Variants in EPHB2 observed in about 807,000 individuals in gnomAD.
The protein encoded by EPHB2 is EPH receptor B2, also known as ephrin type-B receptor 2.
Under a neutral mutation model 96.4 loss-of-function variants are expected in EPHB2, and 18 were observed. The observed-to-expected ratio is 0.19, with a 90% CI of 0.13 to 0.28. The LOEUF is 0.28. EPHB2 is among the 10% of genes least tolerant of loss of function. The probability of loss-of-function intolerance (pLI) is 1.00; values close to 1 mark genes in which losing one functional copy is unlikely to be tolerated. For synonymous variants in EPHB2, 506 were observed against 534.1 expected, an observed-to-expected ratio of 0.95 and a Z score of 0.72; for missense variants, 989 against 1,355.4, an observed-to-expected ratio of 0.73 and a Z score of 4.25.
In EPHB2 at chr1:22,824,576, C is replaced by T. The variant is rs143581037; in HGVS notation, c.812-38461C>T. ...CAGGGCCAGAAGGAGGGAGGGAAGA[C>T]GGGTGGAGGCTGGGCCTGCCATTGG... is the stretch of plus-strand genomic sequence containing the variant. On this transcript the variant is annotated intron_variant, in intron 3 of 15. Transcript: ENST00000374630. Among the ~76,000 whole-genome samples the T allele has an allele frequency of 9.0e-3, 1,367 of 152,266 alleles. 23 individuals carry two copies. Among genetic ancestry groups the T allele is most frequent in the African/African-American group, 0.03 (1,247 of 41,548 alleles).
At chr1:22,889,821 T>C (rs1639336599) in intron 6 of EPHB2, among the ~76,000 whole-genome samples, 1 of 152,208 alleles carries the variant, frequency 6.6e-6, no homozygotes, top group Non-Finnish European at 1.5e-5. Flanking sequence ...AGAAGACACA[T>C]GATTACATTT....
intron 3 of EPHB2, among the ~76,000 whole-genome samples, chr1:22,843,694 C>A (rs1271277569): frequency 6.6e-6 from 1 of 152,204 alleles, no homozygotes; most frequent in Non-Finnish European, 1.5e-5. Flanking sequence ...CCACCTGCCG[C>A]TATGCCTGGC....
At chr1:22,909,487 G>A (rs1055356199) in intron 13 of EPHB2, among the ~76,000 whole-genome samples, 1 of 152,254 alleles carries the variant, frequency 6.6e-6, no homozygotes, top group African/African-American at 2.4e-5. Context: ...CTAACTGGGG[G>A]ACAAGACGAT....
chr1:22,785,638 C>G (rs916091688), intron 3 of EPHB2, among the ~76,000 whole-genome samples: 25 of 152,192 alleles, frequency 1.6e-4, no homozygotes, highest in African/African-American at 6.0e-4. Flanking sequence ...GCAGGGCAGA[C>G]AGATGGAAGG....
chr1:22,873,956 G>A (rs895284044), intron 5 of EPHB2, among the ~76,000 whole-genome samples: 1 of 152,206 alleles, frequency 6.6e-6, no homozygotes, highest in African/African-American at 2.4e-5. Flanking sequence ...GAAAAAGAGA[G>A]AATGGATAGT....
intron 5 of EPHB2, among the ~76,000 whole-genome samples, chr1:22,876,643 T>C (rs2148542622): frequency 6.6e-6 from 1 of 152,306 alleles, no homozygotes; most frequent in Middle Eastern, 3.4e-3. Context: ...CATCCCCCTG[T>C]CAGCGTGCCC....
chr1:22,774,546 G>T (rs1644420768), intron 1 of EPHB2: 1 of 985,168 alleles, frequency 1.0e-6, no homozygotes, highest in Non-Finnish European at 1.2e-6. Flanking sequence ...GAAAGGTCAA[G>T]TCACCAGTGT....
chr1:22,815,007 T>C (rs1364865981), intron 3 of EPHB2, among the ~76,000 whole-genome samples: 1 of 152,194 alleles, frequency 6.6e-6, no homozygotes, highest in Non-Finnish European at 1.5e-5. Flanking sequence ...GGCTGCCAGG[T>C]GCTGGGGCCG....
chr1:22,802,844 G>A (rs960871521), intron 3 of EPHB2, among the ~76,000 whole-genome samples: 5 of 152,214 alleles, frequency 3.3e-5, no homozygotes, highest in Admixed American at 1.3e-4. Context: ...AATGTGTCAG[G>A]CCTTGTGCTG....
chr1:22,857,745 G>A (rs1645722577), intron 3 of EPHB2, among the ~76,000 whole-genome samples: 1 of 152,102 alleles, frequency 6.6e-6, no homozygotes, highest in African/African-American at 2.4e-5. Context: ...CACAGACTCA[G>A]CTAAATATTT....
At chr1:22,815,017 G>A (rs763180899) in intron 3 of EPHB2, among the ~76,000 whole-genome samples, 7 of 152,228 alleles carry the variant, frequency 4.6e-5, no homozygotes, top group Admixed American at 6.5e-5. Flanking sequence ...TGCTGGGGCC[G>A]TCACCACGCT....
rs1167900795 is a variant in EPHB2, at chr1:22,917,034, A to G, written c.*3464A>G. 6.6e-6 allele frequency: 1 copy of G among 152,392 alleles called. No homozygotes were observed. The highest frequency in any genetic ancestry group is 2.4e-5 in the African/African-American group (1 of 41,458). The allele number at this position is 152,392 out of a possible 1,614,324, so 9.4% of individuals were successfully genotyped here. ...CTGAGTGCTGGACCAGAGGCCTCAG[A>G]GCAGGGACCCGGGTGGCGGGGCAGT... On this transcript the variant is annotated 3_prime_UTR_variant, in exon 16 of 16. Transcript: ENST00000374630.
At chr1:22,871,708 T>C (rs2203609) in intron 5 of EPHB2, among the ~76,000 whole-genome samples, 107,848 of 152,130 alleles carry the variant, frequency 0.71, 43,408 homozygotes, top group Non-Finnish European at 0.91. Flanking sequence ...ATTATCTTAT[T>C]GTTCTGCAGG....
intron 1 of EPHB2, among the ~76,000 whole-genome samples, chr1:22,728,922 G>C (rs572345694): frequency 4.6e-5 from 7 of 152,166 alleles, no homozygotes; most frequent in Non-Finnish European, 1.0e-4. Context: ...GTGTTTTCTC[G>C]GCTCCCTGAC....
chr1:22,741,443 C>T (rs1458955329), intron 1 of EPHB2, among the ~76,000 whole-genome samples: 1 of 152,134 alleles, frequency 6.6e-6, no homozygotes, highest in African/African-American at 2.4e-5. Context: ...ATCCCAAGCC[C>T]TCCTGTCTCT....
intron 1 of EPHB2, among the ~76,000 whole-genome samples, chr1:22,720,029 C>A (rs1164146851): frequency 6.6e-6 from 1 of 152,208 alleles, no homozygotes; most frequent in Non-Finnish European, 1.5e-5. Context: ...CGTGGCTTCA[C>A]ATACATCTTT....
At chr1:22,761,853 C>T (rs1003191860) in intron 1 of EPHB2, among the ~76,000 whole-genome samples, 2 of 152,196 alleles carry the variant, frequency 1.3e-5, no homozygotes, top group African/African-American at 4.8e-5. Flanking sequence ...GAAACCAAGG[C>T]CCAGGGCAGC....
intron 1 of EPHB2, among the ~76,000 whole-genome samples, chr1:22,728,921 C>T (rs964791987): frequency 5.9e-5 from 9 of 152,206 alleles, no homozygotes; most frequent in African/African-American, 1.2e-4. Flanking sequence ...AGTGTTTTCT[C>T]GGCTCCCTGA....
At chr1:22,895,425 G>T in intron 7 of EPHB2, 47 bp from the exon 8 acceptor site, 1 of 1,584,484 alleles carries the variant, frequency 6.3e-7, no homozygotes. Context: ...AGGGTATTAC[G>T]ACTCCCACAG....
Sources: allele counts gnomAD v4.1 joint callset (sites outside exome capture counted in the v4.1 genomes callset), GRCh38; gene constraint gnomAD v4.1.1; transcripts MANE v1.5; gene names NCBI Gene and HGNC (gene_info 2026-07-23, HGNC 2026-07-21).